THOC6: variants seen among roughly 807,000 people sequenced by gnomAD.
The protein encoded by THOC6 is THO complex subunit 6.
In THOC6, 39 loss-of-function variants were observed where a neutral mutation model predicts 55.8. The ratio of observed to expected loss-of-function variants is 0.70; its 90% CI spans 0.54 to 0.91. THOC6 has a LOEUF of 0.91. THOC6 is among the 40% of genes least tolerant of loss of function. The pLI is 0.00. For synonymous variants in THOC6, 192 were observed against 175.6 expected, an observed-to-expected ratio of 1.09 and a Z score of -0.74; for missense variants, 482 against 442.0, an observed-to-expected ratio of 1.09 and a Z score of -0.81.
At position 3,027,241 on chromosome 16, in the gene THOC6, C is replaced by T. The variant is rs1342144796; in HGVS notation, c.771C>T (p.Ile257=). 1 of 1,614,192 alleles carries T rather than the reference C, an allele frequency of 6.2e-7. No homozygotes were observed. The highest frequency in any genetic ancestry group is 8.5e-7 in the Non-Finnish European group (1 of 1,180,046). Reference sequence around the variant, plus strand: ...CCACACCCACCACCATCTTCCCCATCCGGGCGCCACAGAAGCACGTCACCT... The same window carrying T: ...CCACACCCACCACCATCTTCCCCATTCGGGCGCCACAGAAGCACGTCACCT... ...RSSTPTTIFP[I]RAPQKHVTFY... is the part of the protein sequence containing the mutation. Residue 257 remains isoleucine (I), a synonymous_variant, in exon 11 of 13, where the codon ATC becomes ATT. Transcript: ENST00000326266.
Position 3,024,400 on chromosome 16 carries a change from T to A in THOC6, c.39+35T>A, listed in dbSNP as rs538007686. The A allele has an allele frequency of 4.3e-6, 7 of 1,613,568 alleles. No homozygotes were observed. The South Asian group carries it at 7.7e-5, about 18-fold the overall frequency. Reference sequence around the variant, plus strand: ...ACGTGGTGCGCGTTGCCTTCTGGGGTTTGTAGTTCACGCATGGCTGGGACG... The same window carrying A: ...ACGTGGTGCGCGTTGCCTTCTGGGGATTGTAGTTCACGCATGGCTGGGACG... On this transcript the variant is annotated intron_variant, in intron 1 of 12. Coordinates refer to ENST00000326266, the MANE Select transcript of THOC6 (RefSeq NM_024339.5).
In THOC6 at chr16:3,027,151, C is replaced by T. The variant is rs2072817713; in HGVS notation, c.700-19C>T. The T allele has an allele frequency of 1.2e-6, 2 of 1,614,018 alleles. No homozygotes were observed. Among genetic ancestry groups the T allele is most frequent in the South Asian group, 1.1e-5 (1 of 91,090 alleles). On this transcript the variant is annotated intron_variant, in intron 10 of 12. Transcript: ENST00000326266. ...TGGGCCTGTGGTTCACAGCTGGGGA[C>T]TCCCACCTTTCTGTCCAGGTCTGTG...
intron 6 of THOC6, 42 bp from the exon 7 acceptor site, chr16:3,026,474 T>G: frequency 6.2e-7 from 1 of 1,614,112 alleles, no homozygotes; most frequent in Non-Finnish European, 8.5e-7. Context: ...CTGCCTATCC[T>G]GATTTGACAT....
At position 3,024,243 on chromosome 16, in the gene THOC6, C is replaced by A; in HGVS notation, c.-84C>A. On this transcript the variant is annotated 5_prime_UTR_variant, in exon 1 of 13. Coordinates refer to ENST00000326266, the MANE Select transcript of THOC6 (RefSeq NM_024339.5). ...CCTTCGCGCCGAAGGCGGTAGGGCG[C>A]CACGGAGAGGAACCGCTCTAGGCAC... 6.4e-7 allele frequency: 1 copy of A among 1,573,102 alleles called. No individual in the cohort carries two copies. Among genetic ancestry groups the A allele is most frequent in the Non-Finnish European group, 8.7e-7 (1 of 1,146,236 alleles).
chr16:3,024,444 G>A, intron 1 of THOC6, 79 bp downstream of exon 1: 4 of 1,569,392 alleles, frequency 2.5e-6, no homozygotes, highest in East Asian at 2.2e-5. Context: ...AGGGAATCGT[G>A]CCCTGAGCCC....
chr16:3,027,111 G>C (rs781051418), intron 10 of THOC6, 38 bp downstream of exon 10: 35 of 1,614,008 alleles, frequency 2.2e-5, no homozygotes, highest in Non-Finnish European at 3.0e-5. Context: ...TGGCAGCTCC[G>C]GGCCCTGTCA....
Position 3,025,933 on chromosome 16 carries a change from T to G in THOC6, c.165T>G (p.Ser55=). Residue 55 remains serine, a synonymous_variant, in exon 3 of 13, where the codon TCT becomes TCG. Transcript: ENST00000326266. Reference sequence around the variant, plus strand: ...TCCGCTGTCCCTGCAGCTTGTCCTCTGCTTTGAGCTCAGAAGCCAAAGAGG... The same window carrying G: ...TCCGCTGTCCCTGCAGCTTGTCCTCGGCTTTGAGCTCAGAAGCCAAAGAGG... ...YGQIAIFSLS[S]ALSSEAKEES... is the part of the protein sequence containing the mutation. 2 of 1,614,246 alleles carry G rather than the reference T, an allele frequency of 1.2e-6. No individual in the cohort carries two copies. Among genetic ancestry groups the G allele is most frequent in the Non-Finnish European group, 1.7e-6 (2 of 1,180,052 alleles).
At position 3,026,068 on chromosome 16, in the gene THOC6, G is replaced by C. The variant is rs771939331; in HGVS notation, c.226G>C (p.Asp76His). 9 of 1,612,538 alleles carry C rather than the reference G, an allele frequency of 5.6e-6. No individual in the cohort carries two copies. The highest frequency in any genetic ancestry group is 4.4e-5 in the South Asian group (4 of 91,036). Residue 76 changes from aspartate (D) to histidine (H), a missense_variant, in exon 4 of 13, where the codon GAT becomes CAT. Coordinates refer to ENST00000326266, the MANE Select transcript of THOC6 (RefSeq NM_024339.5). ...KKPVVTFQAH[D>H]GPVYSMVSTD... ...AGTTCTGCATTTCTCTTTAGCCCAT[G>C]ATGGGCCCGTCTATAGCATGGTTTC...
Position 3,026,847 on chromosome 16 carries a change from T to G in THOC6, c.587-20T>G. On this transcript the variant is annotated intron_variant, in intron 8 of 12. Transcript: ENST00000326266. ...GAGGCTGAGGCAAGTGGGGCACCAC[T>G]CACAGTTCTTTCCCCGCAGACCTGC... 1 of 1,614,166 alleles carries G rather than the reference T, an allele frequency of 6.2e-7. No individual in the cohort carries two copies. The highest frequency in any genetic ancestry group is 1.3e-5 in the African/African-American group (1 of 75,032).
chr16:3,024,821 G>C (rs774966564), intron 1 of THOC6, among the ~76,000 whole-genome samples: 1 of 151,398 alleles, frequency 6.6e-6, no homozygotes, highest in Non-Finnish European at 1.5e-5. Flanking sequence ...TTTTAGTAGA[G>C]ACAGGGTTTC....
Position 3,027,695 on chromosome 16 carries a change from G to T in THOC6, c.*38G>T. The T allele has an allele frequency of 5.3e-6, 8 of 1,505,372 alleles. No individual in the cohort carries two copies. The highest frequency in any genetic ancestry group is 7.2e-6 in the Non-Finnish European group (8 of 1,112,100). 93.3% of individuals were successfully genotyped at this position (1,505,372 alleles called of 1,614,324 possible). On this transcript the variant is annotated 3_prime_UTR_variant, in exon 13 of 13. Transcript: ENST00000326266. ...CCCCCAGCCAGCTCAGGGTTTTAGAGTGTTTTTCATTTTCTTTTTTTTTTT... is the reference window on the plus strand; with the variant it reads ...CCCCCAGCCAGCTCAGGGTTTTAGATTGTTTTTCATTTTCTTTTTTTTTTT...
In THOC6 at chr16:3,024,214, G is replaced by A; in HGVS notation, c.-113G>A. On this transcript the variant is annotated 5_prime_UTR_variant, in exon 1 of 13. Transcript: ENST00000326266. Reference sequence around the variant, plus strand: ...CTAGGGTTCGGGACGGTACGCACCAGCCACCTTCGCGCCGAAGGCGGTAGG... The same window carrying A: ...CTAGGGTTCGGGACGGTACGCACCAACCACCTTCGCGCCGAAGGCGGTAGG... 2 of 1,371,198 alleles carry A rather than the reference G, an allele frequency of 1.5e-6. No homozygotes were observed. The highest frequency in any genetic ancestry group is 2.0e-6 in the Non-Finnish European group (2 of 975,884). The allele number at this position is 1,371,198 out of a possible 1,614,324, so 84.9% of individuals were successfully genotyped here.
At position 3,026,505 on chromosome 16, in the gene THOC6, C is replaced by T. The variant is rs370988700; in HGVS notation, c.412-11C>T. The stretch of plus-strand genomic sequence containing the variant: ...GACATTGACTTTCTGCCTCATCCTG[C>T]TCCTCCACAGGAGAATTCCCTCATC... On this transcript the variant is annotated splice_polypyrimidine_tract_variant and intron_variant, in intron 6 of 12. Transcript: ENST00000326266. 2.5e-6 allele frequency: 4 copies of T among 1,614,012 alleles called. No individual in the cohort carries two copies. Among genetic ancestry groups the T allele is most frequent in the Non-Finnish European group, 3.4e-6 (4 of 1,180,006 alleles).
In THOC6 at chr16:3,024,186, C is replaced by CT. The variant is rs2072716875; in HGVS notation, c.-140dup. On this transcript the variant is annotated 5_prime_UTR_variant, in exon 1 of 13. An upstream open reading frame in the 5' UTR gains an earlier in-frame stop. Coordinates refer to ENST00000326266, the MANE Select transcript of THOC6 (RefSeq NM_024339.5). ...GGGGTCTTCGCGGCGCTCACCTCGG[C>CT]TCCTAGGGTTCGGGACGGTACGCAC... 9.6e-7 allele frequency: 1 copy of CT among 1,039,794 alleles called. No individual in the cohort carries two copies. Among genetic ancestry groups the CT allele is most frequent in the Non-Finnish European group, 1.4e-6 (1 of 697,476 alleles). The allele number at this position is 1,039,794 out of a possible 1,614,324, so 64.4% of individuals were successfully genotyped here. A position where few individuals can be genotyped will look rare whatever the true frequency, so the allele number is the denominator to read the frequency against.
Position 3,027,224 on chromosome 16 carries a change from A to G in THOC6, c.754A>G (p.Thr252Ala), listed in dbSNP as rs779136879. Residue 252 changes from threonine (T) to alanine (A), a missense_variant, in exon 11 of 13, where the codon ACC becomes GCC. Transcript: ENST00000326266. ...CTGGCACCTCCGATCCTCCACACCC[A>G]CCACCATCTTCCCCATCCGGGCGCC... ...TLWHLRSSTP[T>A]TIFPIRAPQK... The G allele has an allele frequency of 3.1e-6, 5 of 1,613,888 alleles. No individual in the cohort carries two copies. The highest frequency in any genetic ancestry group is 4.2e-6 in the Non-Finnish European group (5 of 1,180,004).
chr16:3,025,509 C>T (rs114190714), intron 1 of THOC6, among the ~76,000 whole-genome samples, 199 bp from the exon 2 acceptor site: 8 of 152,376 alleles, frequency 5.3e-5, no homozygotes, highest in African/African-American at 1.9e-4. Flanking sequence ...CACCTCAACT[C>T]TCCCCTTCTT....
At position 3,025,955 on chromosome 16, in the gene THOC6, G is replaced by A. The variant is rs944284031; in HGVS notation, c.187G>A (p.Glu63Lys). 1 of 1,614,246 alleles carries A rather than the reference G, an allele frequency of 6.2e-7. No individual in the cohort carries two copies. Among genetic ancestry groups the A allele is most frequent in the Non-Finnish European group, 8.5e-7 (1 of 1,180,044 alleles). The change falls in exon 3 of 13, where the codon GAG becomes AAG. Residue 63 changes from glutamate to lysine, a missense_variant. Glu to Lys is a moderately conservative substitution (Grantham distance 56). Transcript: ENST00000326266. Reference protein sequence around the residue: ...LSSALSSEAKEESKKPVVTFQ... With the variant: ...LSSALSSEAKKESKKPVVTFQ... ...CTCTGCTTTGAGCTCAGAAGCCAAA[G>A]AGGAAAGTAAGAAGCCGGTGGTGAC...
intron 11 of THOC6, 30 bp downstream of exon 11, chr16:3,027,310 C>G (rs779308065): frequency 8.1e-6 from 13 of 1,614,062 alleles, no homozygotes; most frequent in Admixed American, 1.7e-5. Context: ...TTCTGCCACC[C>G]CCACTGACTC....
At position 3,026,557 on chromosome 16, in the gene THOC6, C is replaced by T. The variant is rs367548712; in HGVS notation, c.453C>T (p.His151=). Residue 151 remains histidine (H), a synonymous_variant, in exon 7 of 13, where the codon CAC becomes CAT. Transcript: ENST00000326266. ...TGGCTGGGGGAGACTGTCAGTTGCA[C>T]ACTATGGACCTTGAAACTGGGACTT... The part of the protein sequence containing the change: ...LILAGGDCQL[H]TMDLETGTFT... 3.0e-5 allele frequency: 48 copies of T among 1,614,108 alleles called. No homozygotes were observed. Among genetic ancestry groups the T allele is most frequent in the South Asian group, 6.6e-5 (6 of 91,080 alleles).
Sources: allele counts gnomAD v4.1 joint callset (sites outside exome capture counted in the v4.1 genomes callset), GRCh38; gene constraint gnomAD v4.1.1; transcripts MANE v1.5; gene names NCBI Gene and HGNC (gene_info 2026-07-23, HGNC 2026-07-21).